Variants in SPICE1 observed in about 807,000 individuals in gnomAD.
The protein encoded by SPICE1 is spindle and centriole-associated protein 1.
In SPICE1, 75 loss-of-function variants were observed where a neutral mutation model predicts 102.7. That is an observed-to-expected ratio of 0.73 (90% CI 0.61 to 0.88). The LOEUF is 0.88. SPICE1 is among the 40% of genes least tolerant of loss of function. The pLI is 0.00. For synonymous variants in SPICE1, 308 were observed against 350.3 expected (o/e 0.88, Z 1.35); for missense variants, 979 against 1,020.1 (o/e 0.96, Z 0.55).
chr3:113,502,089 C>A (rs1038994556), intron 3 of SPICE1, among the ~76,000 whole-genome samples: 1 of 152,158 alleles, frequency 6.6e-6, no homozygotes, highest in African/African-American at 2.4e-5. Flanking sequence ...TAAAGAACTA[C>A]TATGAGCTGG....
Position 113,450,323 on chromosome 3 carries a change from A to C in SPICE1, c.2323+13T>G. 1 of 1,613,856 alleles carries C rather than the reference A, an allele frequency of 6.2e-7. No homozygotes were observed. The highest frequency in any genetic ancestry group is 8.5e-7 in the Non-Finnish European group (1 of 1,179,834). On this transcript the variant is annotated intron_variant, in intron 15 of 17. Transcript: ENST00000295872. ...CATATTTCTAGTTTTTAAATCATGA[A>C]TTTGTGACCAACCAGTCCATGCTCT...
chr3:113,449,810 C>A (rs1392579337), intron 15 of SPICE1: 1 of 154,542 alleles, frequency 6.5e-6, no homozygotes, highest in East Asian at 1.9e-4. Context: ...TAAAAAGCAA[C>A]TTGATACATA....
At chr3:113,502,065 G>A (rs1255472114) in intron 3 of SPICE1, among the ~76,000 whole-genome samples, 1 of 152,144 alleles carries the variant, frequency 6.6e-6, no homozygotes, top group Non-Finnish European at 1.5e-5. Context: ...ATATTATTTG[G>A]CAATTATAAG....
chr3:113,455,235 A>G lies in SPICE1; in HGVS notation c.1658-1285T>C, dbSNP rs373146401. ...ATGAACGCTTTAAAATAAAGGATGA[A>G]TGGGAGATCAGAAAATGAAATGAAA... On this transcript the variant is annotated intron_variant, in intron 13 of 17. Transcript: ENST00000295872. 7.2e-5 allele frequency among the ~76,000 whole-genome samples: 11 copies of G among 152,326 alleles called. No homozygotes were observed. The East Asian group carries it at 2.1e-3, about 29-fold the overall frequency.
chr3:113,450,244 G>T, intron 15 of SPICE1, 92 bp downstream of exon 15: 1 of 1,466,896 alleles, frequency 6.8e-7, no homozygotes. Flanking sequence ...TATATGCTCT[G>T]ATACTTCTTT....
intron 7 of SPICE1, among the ~76,000 whole-genome samples, chr3:113,481,866 G>A (rs1936514874): frequency 6.6e-6 from 1 of 152,118 alleles, no homozygotes; most frequent in Non-Finnish European, 1.5e-5. Flanking sequence ...GAATAGTGAT[G>A]CAATAAACAT....
intron 11 of SPICE1, among the ~76,000 whole-genome samples, chr3:113,463,852 A>C (rs1935989026): frequency 6.6e-6 from 1 of 152,194 alleles, no homozygotes; most frequent in South Asian, 2.1e-4. Context: ...GCAGATCACG[A>C]GGTCAGGAGA....
chr3:113,494,326 A>G (rs1936826598), intron 4 of SPICE1, among the ~76,000 whole-genome samples, 184 bp from the exon 5 acceptor site: 1 of 152,204 alleles, frequency 6.6e-6, no homozygotes, highest in East Asian at 1.9e-4. Context: ...GTGGCTTTCC[A>G]ATACCTGACT....
chr3:113,496,183 C>G (rs1011890970), intron 4 of SPICE1, among the ~76,000 whole-genome samples: 5 of 151,440 alleles, frequency 3.3e-5, no homozygotes, highest in Admixed American at 6.6e-5. Context: ...ACTGGAAACC[C>G]CTGTTTAGTC....
chr3:113,465,424 T>C (rs904918354), intron 11 of SPICE1, among the ~76,000 whole-genome samples: 3 of 152,208 alleles, frequency 2.0e-5, no homozygotes, highest in Non-Finnish European at 2.9e-5. Context: ...TCCCACTAAA[T>C]AGTAAGTCTC....
At chr3:113,494,021 T>G in intron 5 of SPICE1, 28 bp downstream of exon 5, 1 of 1,494,512 alleles carries the variant, frequency 6.7e-7, no homozygotes, top group Non-Finnish European at 9.2e-7. Context: ...GTTAATAAAA[T>G]AGAGAAGCTT....
intron 15 of SPICE1, 121 bp from the exon 16 acceptor site, chr3:113,448,261 T>C: frequency 3.5e-6 from 3 of 865,774 alleles, no homozygotes; most frequent in Non-Finnish European, 5.0e-6. Flanking sequence ...TCTGTTTTAA[T>C]CTTAGCCCAA....
At chr3:113,493,355 T>A in intron 5 of SPICE1, 43 bp from the exon 6 acceptor site, 1 of 1,494,516 alleles carries the variant, frequency 6.7e-7, no homozygotes, top group Non-Finnish European at 9.3e-7. Context: ...TTCATTTAAT[T>A]AACTTGACTT....
intron 14 of SPICE1, among the ~76,000 whole-genome samples, chr3:113,451,080 G>A (rs72946708): frequency 0.012 from 1,867 of 152,242 alleles, 30 homozygotes; most frequent in African/African-American, 0.042. Flanking sequence ...CAGTTTGACA[G>A]ATTACAAAAG....
At chr3:113,474,210 AGGGATCAATT>A (rs1409909752) in intron 7 of SPICE1, among the ~76,000 whole-genome samples, 1 of 151,984 alleles carries the variant, frequency 6.6e-6, no homozygotes, top group Non-Finnish European at 1.5e-5. Flanking sequence ...ATAATGGTAA[AGGGATCAATT>A]CAACAAGAAG....
At chr3:113,514,611 ACT>A (rs760930675) in intron 1 of SPICE1, 6 of 469,282 alleles carry the variant, frequency 1.3e-5, no homozygotes, top group South Asian at 3.1e-5. Flanking sequence ...CATTAGGCTC[ACT>A]CTCTTCTCTA....
chr3:113,497,478 T>C (rs10511326), intron 4 of SPICE1, among the ~76,000 whole-genome samples: 31,675 of 152,020 alleles, frequency 0.21, 3,561 homozygotes, highest in African/African-American at 0.29. Flanking sequence ...GTCTAAGCAC[T>C]GACAGGAAAT....
At position 113,460,668 on chromosome 3, in the gene SPICE1, TTTC is replaced by T. The variant is rs745569483; in HGVS notation, c.1381_1383del (p.Glu461del). The T allele has an allele frequency of 2.3e-4, 371 of 1,613,888 alleles. 1 individual carries two copies. The highest frequency in any genetic ancestry group is 3.3e-4 in the Middle Eastern group (2 of 6,084). On this transcript the variant is annotated inframe_deletion, in exon 12 of 18. Transcript: ENST00000295872. Reference sequence around the variant, plus strand: ...GTGGCTCCGCTTTCTGATGCCTGAATTTCTTGTCTGTTATTTATCACAGGACAG... The same window carrying T: ...GTGGCTCCGCTTTCTGATGCCTGAATTTGTCTGTTATTTATCACAGGACAG...
intron 16 of SPICE1, 78 bp from the exon 17 acceptor site, chr3:113,446,754 A>G (rs1349547370): frequency 2.1e-5 from 24 of 1,120,184 alleles, no homozygotes; most frequent in Admixed American, 7.7e-5. Context: ...ACAACTGACA[A>G]TTCTCAATAC....
Sources: allele counts gnomAD v4.1 joint callset (sites outside exome capture counted in the v4.1 genomes callset), GRCh38; gene constraint gnomAD v4.1.1; transcripts MANE v1.5; gene names NCBI Gene and HGNC (gene_info 2026-07-23, HGNC 2026-07-21).